The following GALK2 variants were observed in gnomAD, a reference collection of about 807,000 sequenced individuals.
GALK2 encodes N-acetylgalactosamine kinase.
Under a neutral mutation model 52.4 loss-of-function variants are expected in GALK2, and 36 were observed. The observed-to-expected ratio is 0.69, with a 90% CI of 0.53 to 0.91. The LOEUF (loss-of-function observed/expected upper bound fraction) is 0.91, where lower values mean the gene tolerates loss of function less well. Among genes scored for constraint, GALK2 ranks in the 40% least tolerant of loss-of-function variants. The probability of loss-of-function intolerance (pLI) is 0.00; values close to 1 mark genes in which losing one functional copy is unlikely to be tolerated. For missense variants in GALK2, 579 were observed against 559.1 expected, an observed-to-expected ratio of 1.04 and a Z score of -0.36; for synonymous variants, 176 against 199.1, an observed-to-expected ratio of 0.88 and a Z score of 0.98.
chr15:49,261,018 A>T (rs28873454), intron 5 of GALK2, among the ~76,000 whole-genome samples: 88,936 of 151,102 alleles, frequency 0.59, 26,360 homozygotes, highest in Middle Eastern at 0.66. Context: ...CCAGCTTTGT[A>T]CTTTTGGCTT....
chr15:49,181,926 G>A (rs1227232947), intron 1 of GALK2, among the ~76,000 whole-genome samples: 13 of 151,800 alleles, frequency 8.6e-5, no homozygotes, highest in Admixed American at 8.5e-4. Flanking sequence ...GGCATACAAT[G>A]TATAATAATC....
chr15:49,363,212 G>A (rs1472372743), intron 3 of GALK2, among the ~76,000 whole-genome samples: 3 of 152,164 alleles, frequency 2.0e-5, no homozygotes, highest in Non-Finnish European at 4.4e-5. Context: ...ATTGCTTTGG[G>A]CAGTATGGCC....
Position 49,329,272 on chromosome 15 carries a change from T to G in GALK2, c.*1113T>G. The G allele has an allele frequency of 1.0e-6, 1 of 985,480 alleles. No individual in the cohort carries two copies. Among genetic ancestry groups the G allele is most frequent in the Non-Finnish European group, 1.2e-6 (1 of 829,970 alleles). 61.0% of individuals were successfully genotyped at this position (985,480 alleles called of 1,614,324 possible). A position where few individuals can be genotyped will look rare whatever the true frequency, so the allele number is the denominator to read the frequency against. On this transcript the variant is annotated 3_prime_UTR_variant, in exon 10 of 10. Transcript: ENST00000560031. ...AGAGTGGGCAGAAATGTTTGGCTGGTGATGGCAAATGACTGGCTTTCTCTT... is the reference window on the plus strand; with the variant it reads ...AGAGTGGGCAGAAATGTTTGGCTGGGGATGGCAAATGACTGGCTTTCTCTT...
intron 1 of GALK2, among the ~76,000 whole-genome samples, chr15:49,163,802 A>T (rs988833719): frequency 6.6e-6 from 1 of 152,228 alleles, no homozygotes; most frequent in South Asian, 2.1e-4. Context: ...TGCCTTGCTT[A>T]TAGAAGATTC....
intron 8 of GALK2, among the ~76,000 whole-genome samples, chr15:49,303,402 C>T (rs1246153819): frequency 6.6e-6 from 1 of 152,182 alleles, no homozygotes; most frequent in Non-Finnish European, 1.5e-5. Flanking sequence ...TGGTCAGCTT[C>T]TCAGCCGCTG....
chr15:49,160,605 C>T (rs1462005928), intron 1 of GALK2, among the ~76,000 whole-genome samples: 1 of 152,042 alleles, frequency 6.6e-6, no homozygotes, highest in Non-Finnish European at 1.5e-5. Context: ...TGGCTCACAC[C>T]TGGAATCCTA....
chr15:49,338,459 T>G (rs970501905), intron 3 of GALK2, among the ~76,000 whole-genome samples: 1 of 152,234 alleles, frequency 6.6e-6, no homozygotes, highest in Non-Finnish European at 1.5e-5. Flanking sequence ...TGGCTCCCAA[T>G]CTCTTCTGGT....
chr15:49,177,302 ATTTTCTTT>A (rs200732517), intron 1 of GALK2, among the ~76,000 whole-genome samples: 4,051 of 151,764 alleles, frequency 0.027, 73 homozygotes, highest in Non-Finnish European at 0.04. Context: ...TTCATTATTT[ATTTTCTTT>A]TTTTCTTTTA....
At chr15:49,351,446 T>G (rs991312142) in intron 3 of GALK2, among the ~76,000 whole-genome samples, 2 of 152,218 alleles carry the variant, frequency 1.3e-5, no homozygotes, top group Non-Finnish European at 2.9e-5. Flanking sequence ...GTTGATTTTT[T>G]TCTAAAACAT....
At chr15:49,273,813 A>G (rs1042037158) in intron 5 of GALK2, among the ~76,000 whole-genome samples, 6 of 152,194 alleles carry the variant, frequency 3.9e-5, no homozygotes, top group Admixed American at 1.3e-4. Flanking sequence ...GAAAATAGAG[A>G]AAATATTTGA....
intron 3 of GALK2, among the ~76,000 whole-genome samples, chr15:49,228,695 T>A (rs1246153142): frequency 2.1e-3 from 99 of 47,658 alleles, no homozygotes; most frequent in African/African-American, 3.2e-3. Context: ...ATATTTTTTT[T>A]TTTTTTTTTT....
intron 5 of GALK2, among the ~76,000 whole-genome samples, chr15:49,256,301 C>T (rs2091812912): frequency 6.6e-6 from 1 of 152,030 alleles, no homozygotes; most frequent in Non-Finnish European, 1.5e-5. Flanking sequence ...TACTGTAGCC[C>T]GTCTAGATAA....
intron 3 of GALK2, among the ~76,000 whole-genome samples, chr15:49,347,445 G>C (rs2041670846): frequency 6.6e-6 from 1 of 152,162 alleles, no homozygotes; most frequent in African/African-American, 2.4e-5. Flanking sequence ...GTATAGGACA[G>C]ATTATTGATG....
intron 5 of GALK2, among the ~76,000 whole-genome samples, chr15:49,271,912 G>A (rs2030711045): frequency 6.6e-6 from 1 of 152,326 alleles, no homozygotes; most frequent in South Asian, 2.1e-4. Flanking sequence ...CAACGTACAC[G>A]TTTTTTAACT....
At chr15:49,319,467 C>A in intron 8 of GALK2, 137 bp from the exon 9 acceptor site, 1 of 673,998 alleles carries the variant, frequency 1.5e-6, no homozygotes, top group Admixed American at 3.0e-5. Flanking sequence ...AGAATCCTTT[C>A]AGCAAGAGAG....
At chr15:49,228,681 A>AAATTTTT (rs2090295978) in intron 3 of GALK2, among the ~76,000 whole-genome samples, 1 of 9,658 alleles carries the variant, frequency 1.0e-4, no homozygotes. Context: ...ATATATATAT[A>AAATTTTT]TATATATTTT....
chr15:49,239,293 C>G lies in GALK2; in HGVS notation c.430C>G (p.Leu144Val), dbSNP rs1566968257. 1 of 1,614,098 alleles carries G rather than the reference C, an allele frequency of 6.2e-7. No individual in the cohort carries two copies. The highest frequency in any genetic ancestry group is 2.2e-5 in the East Asian group (1 of 44,876). ...TGGAAATATCCCACCAAGTTCTGGC[C>G]TCTCCAGCTCCAGTGCTTTGGTCTG... ...VDGNIPPSSGLSSSSALVCCA... is the reference protein window; with the variant it reads ...VDGNIPPSSGVSSSSALVCCA... The change falls in exon 5 of 10, where the codon CTC (leucine) becomes GTC (valine). Residue 144 changes from leucine (L) to valine (V), a missense_variant. Leu to Val is a conservative substitution (Grantham distance 32, BLOSUM62 1). Transcript: ENST00000560031.
intron 8 of GALK2, among the ~76,000 whole-genome samples, chr15:49,295,924 T>G (rs1247822804): frequency 1.3e-5 from 2 of 152,188 alleles, no homozygotes; most frequent in Non-Finnish European, 2.9e-5. Flanking sequence ...AGATTTTTTT[T>G]GAATAAGTAA....
At chr15:49,239,050 CATT>C (rs1258690140) in intron 4 of GALK2, among the ~76,000 whole-genome samples, 168 bp from the exon 5 acceptor site, 6 of 152,044 alleles carry the variant, frequency 3.9e-5, no homozygotes, top group African/African-American at 1.5e-4. Context: ...GGCTAAGAGT[CATT>C]AAATAAAATG....
Sources: gnomAD v4.1 joint callset for allele counts (sites outside exome capture counted in the v4.1 genomes callset) on GRCh38, gnomAD v4.1.1 for gene constraint, MANE v1.5 for transcripts, NCBI Gene and HGNC (gene_info 2026-07-23, HGNC 2026-07-21) for gene names.